The following DENND5A variants were observed in gnomAD, a reference collection of about 807,000 sequenced individuals.
DENND5A encodes the protein DENN domain containing 5A.
A neutral mutation model predicts 140.3 loss-of-function variants in DENND5A; 64 were observed. The observed-to-expected ratio is 0.46, with a 90% CI of 0.37 to 0.56. The LOEUF (loss-of-function observed/expected upper bound fraction) is 0.56, where lower values mean the gene tolerates loss of function less well. DENND5A is among the 20% of genes least tolerant of loss of function. DENND5A has a pLI of 0.00. For missense variants in DENND5A, 1,292 were observed against 1,593.8 expected, an observed-to-expected ratio of 0.81 and a Z score of 3.22; for synonymous variants, 605 against 607.7, an observed-to-expected ratio of 1.00 and a Z score of 0.07.
chr11:9,259,782 A>G (rs1045080774), intron 1 of DENND5A, among the ~76,000 whole-genome samples: 7 of 152,070 alleles, frequency 4.6e-5, no homozygotes, highest in African/African-American at 1.7e-4. Context: ...TAATCCCAAT[A>G]CTTTGGGAGG....
chr11:9,163,035 T>C (rs756853898), intron 11 of DENND5A, among the ~76,000 whole-genome samples: 11 of 152,202 alleles, frequency 7.2e-5, no homozygotes, highest in Admixed American at 4.6e-4. Flanking sequence ...TTTATATTTG[T>C]GAAATTCATC....
rs1847457738 is a variant in DENND5A at position 9,147,134 on chromosome 11, T to C, written c.2753A>G (p.Tyr918Cys). ...CTCGTCATCACAGCGCAGGAAGGCA[T>C]AGCGCTTATATAACTTTCTGTTGGA... ...HELTKKLYKR[Y>C]AFLRCDDEKE... The change falls in exon 16 of 23, where the codon TAT becomes TGT. Residue 918 changes from tyrosine (Y) to cysteine (C), a missense_variant. By Grantham distance (194) the Tyr-to-Cys change is radical. Around this residue, in one of 4 missense-constraint regions of DENND5A, gnomAD observed 498 missense variants for 689.7 expected, o/e 0.72. Coordinates refer to ENST00000328194, the MANE Select transcript of DENND5A (RefSeq NM_015213.4). 1.2e-6 allele frequency: 2 copies of C among 1,613,926 alleles called. No individual in the cohort carries two copies. The highest frequency in any genetic ancestry group is 1.3e-5 in the African/African-American group (1 of 74,900).
chr11:9,191,087 A>G (rs1849107236), intron 5 of DENND5A, among the ~76,000 whole-genome samples: 1 of 152,126 alleles, frequency 6.6e-6, no homozygotes, highest in Non-Finnish European at 1.5e-5. Flanking sequence ...TTCCACTGTC[A>G]CCACTCCTTC....
intron 11 of DENND5A, among the ~76,000 whole-genome samples, chr11:9,163,821 G>C (rs1291479070): frequency 7.3e-6 from 1 of 136,180 alleles, no homozygotes; most frequent in Non-Finnish European, 1.6e-5. Flanking sequence ...AAAAAAAAAA[G>C]AATGACAGTC....
At chr11:9,190,519 T>C (rs964353737) in intron 5 of DENND5A, among the ~76,000 whole-genome samples, 3 of 152,210 alleles carry the variant, frequency 2.0e-5, no homozygotes, top group African/African-American at 7.2e-5. Flanking sequence ...CTGCCATCCA[T>C]GTAAGACGTG....
At chr11:9,175,815 C>G (rs868159135) in intron 8 of DENND5A, 1 of 152,074 alleles carries the variant, frequency 6.6e-6, no homozygotes, top group Non-Finnish European at 1.5e-5. Context: ...ACAAAATTAA[C>G]TTGAAATGGA....
chr11:9,246,830 C>T (rs1419978742), intron 1 of DENND5A, among the ~76,000 whole-genome samples: 1 of 152,150 alleles, frequency 6.6e-6, no homozygotes, highest in African/African-American at 2.4e-5. Context: ...AACCCCACTT[C>T]AAGACAGCGC....
chr11:9,158,678 C>T (rs1258388816), intron 12 of DENND5A, among the ~76,000 whole-genome samples: 8 of 152,148 alleles, frequency 5.3e-5, no homozygotes, highest in Non-Finnish European at 8.8e-5. Flanking sequence ...ATACTTCAAA[C>T]CCAGATCTGT....
chr11:9,223,851 T>C (rs1026806304), intron 1 of DENND5A, among the ~76,000 whole-genome samples: 1 of 152,250 alleles, frequency 6.6e-6, no homozygotes, highest in South Asian at 2.1e-4. Flanking sequence ...GTGATTGTTA[T>C]TTAGAATCCT....
chr11:9,186,942 G>A (rs1158601021), intron 5 of DENND5A, among the ~76,000 whole-genome samples: 1 of 152,110 alleles, frequency 6.6e-6, no homozygotes, highest in Non-Finnish European at 1.5e-5. Flanking sequence ...AAATTAGCCA[G>A]GCATTGCGGT....
In DENND5A at chr11:9,160,890, T is replaced by C. The variant is rs559566798; in HGVS notation, c.2284-25A>G. ...TCTACAAGGAAGCAGTCAACAGGAT[T>C]AAATAACCACAGTGAGCAGGATTAC... On this transcript the variant is annotated intron_variant, in intron 11 of 22. Coordinates refer to ENST00000328194, the MANE Select transcript of DENND5A (RefSeq NM_015213.4). The C allele has an allele frequency of 7.1e-5, 114 of 1,611,254 alleles. 1 individual carries two copies. In the South Asian group the frequency reaches 1.2e-3, roughly 17 times the overall value.
At chr11:9,192,259 T>G (rs746611413) in intron 5 of DENND5A, among the ~76,000 whole-genome samples, 13 of 152,162 alleles carry the variant, frequency 8.5e-5, no homozygotes, top group Non-Finnish European at 1.8e-4. Context: ...AGTGACACAG[T>G]GCTGCCCAGA....
intron 3 of DENND5A, among the ~76,000 whole-genome samples, chr11:9,205,807 G>A (rs757873022): frequency 6.6e-5 from 10 of 152,202 alleles, no homozygotes; most frequent in Non-Finnish European, 1.2e-4. Flanking sequence ...TGAGGTGGGA[G>A]GATCACTTGA....
chr11:9,145,308 AAC>A, intron 17 of DENND5A, 195 bp from the exon 18 acceptor site: 3 of 598,086 alleles, frequency 5.0e-6, no homozygotes, highest in Non-Finnish European at 8.9e-6. Context: ...TGAGAAAGAA[AAC>A]ACTCTACCTA....
intron 1 of DENND5A, among the ~76,000 whole-genome samples, chr11:9,258,471 G>A (rs1044993280): frequency 5.9e-5 from 9 of 152,138 alleles, no homozygotes; most frequent in Non-Finnish European, 1.3e-4. Context: ...CTTTTTTATG[G>A]CTGCATAGTA....
In DENND5A at chr11:9,140,803, C is replaced by T. The variant is rs1000505510; in HGVS notation, c.3681-949G>A. On this transcript the variant is annotated intron_variant, in intron 22 of 22. Transcript: ENST00000328194. ...TTTTTGGACCCTCAAAACCTTCTTC[C>T]ATGCTCTGTATTTAATTAGGACAAG... Among the ~76,000 whole-genome samples, 6 of 152,268 alleles carry T rather than the reference C, an allele frequency of 3.9e-5. No individual in the cohort carries two copies. In the East Asian group the frequency reaches 1.2e-3, roughly 29 times the overall value.
chr11:9,217,104 C>T lies in DENND5A; in HGVS notation c.110-9472G>A, dbSNP rs1021781792. Among the ~76,000 whole-genome samples the T allele has an allele frequency of 5.3e-5, 8 of 152,138 alleles. No homozygotes were observed. In the East Asian group the frequency reaches 1.5e-3, roughly 29 times the overall value. ...CAGATGAATGAAATGTATAATAATA[C>T]AATGGAACATTATTCAGCCATAAAA... On this transcript the variant is annotated intron_variant, in intron 1 of 22. Transcript: ENST00000328194.
At chr11:9,220,352 A>T (rs1241707017) in intron 1 of DENND5A, among the ~76,000 whole-genome samples, 2 of 152,130 alleles carry the variant, frequency 1.3e-5, no homozygotes, top group East Asian at 3.9e-4. Context: ...GTTCAAGACC[A>T]GTCTGACCAA....
At chr11:9,179,728 A>G (rs1346294287) in intron 6 of DENND5A, among the ~76,000 whole-genome samples, 2 of 152,056 alleles carry the variant, frequency 1.3e-5, no homozygotes, top group South Asian at 2.1e-4. Context: ...CGAACTCCCA[A>G]CCTCTGGTGA....
Sources: allele counts gnomAD v4.1 joint callset (sites outside exome capture counted in the v4.1 genomes callset), GRCh38; gene constraint gnomAD v4.1.1; regional missense constraint gnomAD v4.1.1; transcripts MANE v1.5; gene names NCBI Gene and HGNC (gene_info 2026-07-23, HGNC 2026-07-21).